The following KHDRBS2 variants were observed in gnomAD, a reference collection of about 807,000 sequenced individuals.
KHDRBS2 encodes the protein KH domain-containing, RNA-binding, signal transduction-associated protein 2.
Under a neutral mutation model 44.3 loss-of-function variants are expected in KHDRBS2, and 26 were observed. The observed-to-expected ratio is 0.59, with a 90% confidence interval of 0.43 to 0.81. The LOEUF (loss-of-function observed/expected upper bound fraction) is 0.81. Ranked by LOEUF, KHDRBS2 falls within the 40% of genes least tolerant of loss-of-function variation. KHDRBS2 has a pLI of 0.00. For synonymous variants in KHDRBS2, 194 were observed against 151.1 expected, an observed-to-expected ratio of 1.28 and a Z score of -2.08; for missense variants, 476 against 433.1, an observed-to-expected ratio of 1.10 and a Z score of -0.88.
At chr6:61,917,512 A>C (rs1807238870) in intron 4 of KHDRBS2, among the ~76,000 whole-genome samples, 1 of 151,930 alleles carries the variant, frequency 6.6e-6, no homozygotes, top group Non-Finnish European at 1.5e-5. Flanking sequence ...GAATAGGTGG[A>C]GCACAGAAAA....
chr6:62,042,777 G>A (rs796442196), intron 3 of KHDRBS2, among the ~76,000 whole-genome samples: 17 of 152,200 alleles, frequency 1.1e-4, no homozygotes, highest in African/African-American at 3.8e-4. Flanking sequence ...ACCAAATGCA[G>A]AAGAAATATT....
chr6:61,801,693 A>G (rs1441686100), intron 6 of KHDRBS2, among the ~76,000 whole-genome samples: 2 of 152,104 alleles, frequency 1.3e-5, no homozygotes, highest in African/African-American at 2.4e-5. Context: ...GAGTGTTTAT[A>G]TATTCCAGGA....
chr6:61,850,168 A>G (rs1306497956), intron 6 of KHDRBS2, among the ~76,000 whole-genome samples: 1 of 151,918 alleles, frequency 6.6e-6, no homozygotes, highest in African/African-American at 2.4e-5. Context: ...TCAAATCTCT[A>G]TTTTAATGTT....
At chr6:62,192,421 G>C (rs1824818723) in intron 1 of KHDRBS2, among the ~76,000 whole-genome samples, 1 of 152,044 alleles carries the variant, frequency 6.6e-6, no homozygotes, top group African/African-American at 2.4e-5. Flanking sequence ...AGTTGCATTG[G>C]TTTGGTTCAA....
intron 7 of KHDRBS2, among the ~76,000 whole-genome samples, chr6:61,713,101 G>T (rs1267973593): frequency 6.6e-6 from 1 of 151,434 alleles, no homozygotes; most frequent in African/African-American, 2.4e-5. Flanking sequence ...GATGTCACAA[G>T]TAGTGATATG....
At chr6:61,586,859 C>T in the KHDRBS2 span, among the ~76,000 whole-genome samples, 2,435 of 152,260 alleles carry the variant, frequency 0.016, 67 homozygotes, top group African/African-American at 0.057. Context: ...TTGAACTTCT[C>T]TGTTCTTCAG....
intron 2 of KHDRBS2, among the ~76,000 whole-genome samples, chr6:62,082,098 T>A (rs1050029728): frequency 3.3e-5 from 5 of 152,122 alleles, no homozygotes; most frequent in African/African-American, 1.2e-4. Flanking sequence ...ACAGCTACTT[T>A]AGGAGGTGAC....
intron 1 of KHDRBS2, among the ~76,000 whole-genome samples, chr6:62,266,345 T>C (rs1839196794): frequency 6.6e-6 from 1 of 152,022 alleles, no homozygotes; most frequent in African/African-American, 2.4e-5. Context: ...GCCTGCTTCT[T>C]TGCCCCTACA....
At position 61,681,049 on chromosome 6, in the gene KHDRBS2, A is replaced by G. The variant is rs760966278; in HGVS notation, c.964T>C (p.Trp322Arg). The G allele has an allele frequency of 6.2e-7, 1 of 1,610,878 alleles. No homozygotes were observed. Among genetic ancestry groups the G allele is most frequent in the Admixed American group, 1.7e-5 (1 of 59,724 alleles). The stretch of plus-strand genomic sequence containing the variant: ...TTCAAGCTAGAGCGGGTTGTGGCCC[A>G]TTCTTCTGGTGCTGTGAAAAAGAGA... ...DAYDSYAPEE[W>R]ATTRSSLKAP... Residue 322 changes from tryptophan to arginine, a missense_variant, in exon 9 of 9, where the codon TGG becomes CGG. Coordinates refer to ENST00000281156, the MANE Select transcript of KHDRBS2 (RefSeq NM_152688.4).
intron 7 of KHDRBS2, among the ~76,000 whole-genome samples, chr6:61,718,572 TG>T (rs1771827426): frequency 6.6e-6 from 1 of 152,052 alleles, no homozygotes; most frequent in Non-Finnish European, 1.5e-5. Flanking sequence ...GGTTTTCCTC[TG>T]CTTCCTACTG....
At chr6:62,171,382 TA>T (rs143467748) in intron 2 of KHDRBS2, among the ~76,000 whole-genome samples, 86 of 146,320 alleles carry the variant, frequency 5.9e-4, no homozygotes, top group Non-Finnish European at 4.8e-4. Flanking sequence ...AGACAAAAAT[TA>T]AAAAAAAAAG....
intron 6 of KHDRBS2, among the ~76,000 whole-genome samples, chr6:61,758,381 T>C (rs1250402673): frequency 6.6e-6 from 1 of 151,936 alleles, no homozygotes; most frequent in African/African-American, 2.4e-5. Context: ...TGCTTGTAAG[T>C]ATAGCTTTGT....
At chr6:61,610,401 T>TA in the KHDRBS2 span, among the ~76,000 whole-genome samples, 1 of 152,188 alleles carries the variant, frequency 6.6e-6, no homozygotes, top group Admixed American at 6.5e-5. Flanking sequence ...CTTAAAATCA[T>TA]AAAAAATTAT....
At chr6:61,930,488 G>A (rs1177621796) in intron 4 of KHDRBS2, among the ~76,000 whole-genome samples, 4 of 128,078 alleles carry the variant, frequency 3.1e-5, no homozygotes, top group Non-Finnish European at 6.3e-5. Flanking sequence ...CTTTCTGAAT[G>A]TATTGGGAAG....
At chr6:61,603,988 T>C in the KHDRBS2 span, among the ~76,000 whole-genome samples, 1 of 152,212 alleles carries the variant, frequency 6.6e-6, no homozygotes, top group Non-Finnish European at 1.5e-5. Context: ...GGCTATGCTG[T>C]AGTATCTTCC....
At chr6:61,997,258 G>C (rs1004612928) in intron 3 of KHDRBS2, among the ~76,000 whole-genome samples, 5 of 152,130 alleles carry the variant, frequency 3.3e-5, no homozygotes, top group African/African-American at 1.2e-4. Flanking sequence ...TTTTGTCACA[G>C]GAAAGAGAAA....
At chr6:62,061,907 G>A (rs546308560) in intron 2 of KHDRBS2, among the ~76,000 whole-genome samples, 84 of 151,264 alleles carry the variant, frequency 5.6e-4, no homozygotes, top group African/African-American at 1.4e-3. Flanking sequence ...TTCCCTTCTC[G>A]CTTCATTTCA....
chr6:62,084,760 T>G (rs1798092043), intron 2 of KHDRBS2, among the ~76,000 whole-genome samples: 1 of 152,186 alleles, frequency 6.6e-6, no homozygotes, highest in South Asian at 2.1e-4. Flanking sequence ...AATCATGGCT[T>G]CTCACATTTC....
rs542858676 is a variant in KHDRBS2, at chr6:61,908,837, G to A, written c.484-7466C>T. ...ATGTTAGATAGAATTACAAATTACC[G>A]GGATTCCACACTTCAAATAGTAAAG... is the stretch of plus-strand genomic sequence containing the variant. On this transcript the variant is annotated intron_variant, in intron 4 of 8. Transcript: ENST00000281156. Among the ~76,000 whole-genome samples the A allele has an allele frequency of 9.2e-5, 14 of 152,080 alleles. No homozygotes were observed. In the South Asian group the frequency reaches 2.7e-3, roughly 29 times the overall value.
Sources: gnomAD v4.1 joint callset for allele counts (sites outside exome capture counted in the v4.1 genomes callset) on GRCh38, gnomAD v4.1.1 for gene constraint, MANE v1.5 for transcripts, NCBI Gene and HGNC (gene_info 2026-07-23, HGNC 2026-07-21) for gene names.